Variants in DMD observed in about 807,000 individuals in gnomAD.
The protein encoded by DMD is dystrophin, also known as mutant dystrophin.
DMD carries 63 observed loss-of-function variants against 330.1 expected under a neutral mutation model. The observed-to-expected ratio is 0.19, with a 90% CI of 0.16 to 0.24. DMD has a LOEUF of 0.24. Among genes scored for constraint, DMD ranks in the 10% least tolerant of loss-of-function variants. The probability of loss-of-function intolerance (pLI) is 1.00; values close to 1 mark genes in which losing one functional copy is unlikely to be tolerated. For missense variants in DMD, 3,344 were observed against 2,684.1 expected (o/e 1.25, Z -5.43); for synonymous variants, 1,223 against 959.8 (o/e 1.27, Z -5.07).
chrX:31,789,742 CAAAA>C (rs1432423267), intron 50 of DMD, among the ~76,000 whole-genome samples: 2 of 110,867 alleles, frequency 1.8e-5, no homozygotes, highest in East Asian at 5.7e-4. Flanking sequence ...TATTTTAAAA[CAAAA>C]AGATACGAAG....
At chrX:32,398,549 A>G (rs2098062696) in intron 30 of DMD, among the ~76,000 whole-genome samples, 1 of 110,991 alleles carries the variant, frequency 9.0e-6, no homozygotes, top group Non-Finnish European at 1.9e-5. Context: ...AAGCATATAA[A>G]TTTTTCTGCG....
chrX:33,053,564 C>G (rs781247317), intron 1 of DMD, among the ~76,000 whole-genome samples: 2 of 110,033 alleles, frequency 1.8e-5, no homozygotes, highest in African/African-American at 6.6e-5. Flanking sequence ...CCACTGCACT[C>G]CAGCCTGGGT....
chrX:33,259,598 C>CG (rs1491432915), intron 1 of DMD, among the ~76,000 whole-genome samples: 1 of 30,501 alleles, frequency 3.3e-5, no homozygotes, highest in Non-Finnish European at 5.0e-5. Context: ...TTCAAAATCG[C>CG]CCCCCCCCCC....
In DMD at chrX:32,426,220, T is replaced by G. The variant is rs780478037; in HGVS notation, c.4071+12021A>C. Among the ~76,000 whole-genome samples, 5 of 111,632 alleles carry G rather than the reference T, an allele frequency of 4.5e-5. No individual in the cohort carries two copies. In the South Asian group the frequency reaches 1.9e-3, roughly 42 times the overall value. On this transcript the variant is annotated intron_variant, in intron 29 of 78. Transcript: ENST00000357033. ...ACAAACTACAGAACGGGAGAAATAT[T>G]TTGCAAACTGTGAATCTGATAAAGG...
intron 47 of DMD, among the ~76,000 whole-genome samples, chrX:31,914,370 C>T (rs1021565803): frequency 8.9e-6 from 1 of 112,048 alleles, no homozygotes; most frequent in African/African-American, 3.3e-5. Context: ...ATCCAGCAAT[C>T]CCACTGCTGG....
intron 7 of DMD, among the ~76,000 whole-genome samples, chrX:32,769,642 A>G (rs1209718711): frequency 8.9e-6 from 1 of 111,978 alleles, no homozygotes; most frequent in African/African-American, 3.2e-5. Context: ...ATAAGAATTA[A>G]TAGAATTCAG....
chrX:31,735,612 C>T (rs2086815092), intron 51 of DMD, among the ~76,000 whole-genome samples: 1 of 112,037 alleles, frequency 8.9e-6, no homozygotes, highest in South Asian at 3.7e-4. Flanking sequence ...GGGTGCATGA[C>T]CATTATTTCC....
intron 45 of DMD, among the ~76,000 whole-genome samples, chrX:31,945,014 A>T: frequency 8.9e-6 from 1 of 111,801 alleles, no homozygotes; most frequent in East Asian, 2.8e-4. Flanking sequence ...CAATGAATTT[A>T]TTAGAGACAG....
chrX:33,165,737 G>A (rs766937559), intron 1 of DMD, among the ~76,000 whole-genome samples: 5 of 111,382 alleles, frequency 4.5e-5, no homozygotes, highest in Admixed American at 9.7e-5. Context: ...AGAAGTACCG[G>A]AACCAAATAA....
At chrX:32,698,668 G>T (rs1269198524) in intron 8 of DMD, among the ~76,000 whole-genome samples, 1 of 111,709 alleles carries the variant, frequency 9.0e-6, no homozygotes, top group South Asian at 3.6e-4. Context: ...TTTCAAAATT[G>T]TTATCCTGAA....
chrX:32,289,301 C>T (rs2148467149), intron 42 of DMD, among the ~76,000 whole-genome samples: 2 of 110,515 alleles, frequency 1.8e-5, no homozygotes, highest in East Asian at 2.9e-4. Flanking sequence ...ATATCATCAC[C>T]CATATTCAGC....
In DMD at chrX:32,721,727, G is replaced by A. The variant is rs1305116331; in HGVS notation, c.650-22434C>T. ...CTAGTTTATTTTTGTTTTCTTGCCT[G>A]AAATTTTGATGTGATATTCAAAAAA... is the stretch of plus-strand genomic sequence containing the variant. On this transcript the variant is annotated intron_variant, in intron 7 of 78. Coordinates refer to ENST00000357033, the MANE Select transcript of DMD (RefSeq NM_004006.3). 1.8e-5 allele frequency among the ~76,000 whole-genome samples: 2 copies of A among 110,930 alleles called. 1 individual carries two copies. The highest frequency in any genetic ancestry group is 6.5e-5 in the African/African-American group (2 of 30,624).
intron 37 of DMD, among the ~76,000 whole-genome samples, chrX:32,359,833 CTAT>C (rs953689281): frequency 9.1e-6 from 1 of 110,078 alleles, no homozygotes; most frequent in African/African-American, 3.3e-5. Context: ...TCTAGTAACT[CTAT>C]TATTTTCCAA....
At chrX:33,042,140 AG>A (rs751469888) in intron 1 of DMD, among the ~76,000 whole-genome samples, 63 of 111,594 alleles carry the variant, frequency 5.6e-4, no homozygotes, top group Non-Finnish European at 4.9e-4. Context: ...TGGAAAAAAA[AG>A]AGAACTTTTG....
intron 44 of DMD, among the ~76,000 whole-genome samples, chrX:32,162,120 T>C (rs928460402): frequency 2.7e-5 from 3 of 111,542 alleles, no homozygotes; most frequent in Non-Finnish European, 5.6e-5. Context: ...CCGTGGCAAA[T>C]GTATACCTAT....
intron 9 of DMD, among the ~76,000 whole-genome samples, chrX:32,657,009 ATATG>A (rs200235148): frequency 0.015 from 1,417 of 95,058 alleles, 22 homozygotes; most frequent in African/African-American, 0.067. Flanking sequence ...ATACCAACTT[ATATG>A]TGTGTGTGTG....
intron 2 of DMD, among the ~76,000 whole-genome samples, chrX:32,897,005 C>G (rs1444665858): frequency 8.9e-6 from 1 of 112,010 alleles, no homozygotes; most frequent in African/African-American, 3.2e-5. Context: ...TTTATCTTCT[C>G]CAGTGATACT....
intron 55 of DMD, among the ~76,000 whole-genome samples, chrX:31,595,183 C>T (rs992697618): frequency 1.8e-5 from 2 of 111,352 alleles, no homozygotes; most frequent in African/African-American, 6.5e-5. Context: ...AATTTGAAAA[C>T]ATTAATGCAT....
Position 31,147,332 on chromosome X carries a change from T to C in DMD, c.10740A>G (p.Glu3580=), listed in dbSNP as rs1378979490. 2 of 1,208,390 alleles carry C rather than the reference T, an allele frequency of 1.7e-6. No individual in the cohort carries two copies. The highest frequency in any genetic ancestry group is 2.2e-6 in the Non-Finnish European group (2 of 894,751). Residue 3580 remains glutamate (E), a synonymous_variant, in exon 75 of 79, where the codon GAA becomes GAG. Coordinates refer to ENST00000357033, the MANE Select transcript of DMD (RefSeq NM_004006.3). The part of the protein sequence containing the change: ...GRLEARMQIL[E]DHNKQLESQL... ...GTGACTCCAGCTGTTTATTGTGGTC[T>C]TCCAGGATTTGCATCCTGGCTTCCA...
Sources: gnomAD v4.1 joint callset for allele counts (sites outside exome capture counted in the v4.1 genomes callset) on GRCh38, gnomAD v4.1.1 for gene constraint, MANE v1.5 for transcripts, NCBI Gene and HGNC (gene_info 2026-07-23, HGNC 2026-07-21) for gene names.